The following WIPF3 variants were observed in gnomAD, a reference collection of about 807,000 sequenced individuals.
WIPF3 encodes WAS/WASL interacting protein family member 3.
Under a neutral mutation model 38.9 loss-of-function variants are expected in WIPF3, and 33 were observed. The observed-to-expected ratio is 0.85, with a 90% CI of 0.64 to 1.14. The LOEUF (loss-of-function observed/expected upper bound fraction) is 1.14, where lower values mean the gene tolerates loss of function less well. Ranked by LOEUF, WIPF3 falls within the 50% of genes most tolerant of loss-of-function variation. The probability of loss-of-function intolerance (pLI) is 0.00; values close to 1 mark genes in which losing one functional copy is unlikely to be tolerated. For synonymous variants in WIPF3, 324 were observed against 269.3 expected (o/e 1.20, Z -1.99); for missense variants, 711 against 652.5 (o/e 1.09, Z -0.98).
intron 2 of WIPF3, among the ~76,000 whole-genome samples, chr7:29,866,988 A>ATCTGTAG (rs964831813): frequency 6.6e-6 from 1 of 152,254 alleles, no homozygotes; most frequent in African/African-American, 2.4e-5. Context: ...CTTGTGCCTC[A>ATCTGTAG]TCTGTAGACT....
chr7:29,910,952 C>T (rs1786494447), intron 8 of WIPF3, among the ~76,000 whole-genome samples: 1 of 151,738 alleles, frequency 6.6e-6, no homozygotes, highest in Non-Finnish European at 1.5e-5. Context: ...AAAAGACATC[C>T]AAATTGGAAA....
intron 2 of WIPF3, among the ~76,000 whole-genome samples, chr7:29,869,782 T>C (rs1200289009): frequency 2.0e-5 from 3 of 152,186 alleles, no homozygotes; most frequent in Non-Finnish European, 2.9e-5. Context: ...TGCTAAAAAT[T>C]AGTACTACAA....
intron 7 of WIPF3, 91 bp downstream of exon 7, chr7:29,889,498 G>A (rs1785962670): frequency 1.1e-6 from 1 of 936,508 alleles, no homozygotes; most frequent in Non-Finnish European, 1.7e-6. Flanking sequence ...ACTGTCTAAA[G>A]GATGATGTCA....
intron 1 of WIPF3, among the ~76,000 whole-genome samples, chr7:29,811,437 T>A (rs1278179553): frequency 6.6e-6 from 1 of 152,098 alleles, no homozygotes; most frequent in Non-Finnish European, 1.5e-5. Context: ...TGAGATAAAA[T>A]CAGAGGTAAT....
chr7:29,841,791 C>CA (rs964582082), intron 2 of WIPF3, among the ~76,000 whole-genome samples: 8 of 151,782 alleles, frequency 5.3e-5, no homozygotes, highest in African/African-American at 1.7e-4. Flanking sequence ...CAGCCTGGCT[C>CA]AAAAAAATAG....
intron 8 of WIPF3, among the ~76,000 whole-genome samples, chr7:29,913,717 T>G (rs556202151): frequency 9.2e-5 from 14 of 152,368 alleles, no homozygotes; most frequent in African/African-American, 2.6e-4. Context: ...AACTTGCCCA[T>G]GTCACAATGC....
chr7:29,850,247 T>C (rs1785072242), intron 2 of WIPF3, among the ~76,000 whole-genome samples: 1 of 152,144 alleles, frequency 6.6e-6, no homozygotes, highest in Non-Finnish European at 1.5e-5. Context: ...GATAGGTAGT[T>C]CCTAAAAGGA....
At chr7:29,854,635 A>G (rs1785159549) in intron 2 of WIPF3, among the ~76,000 whole-genome samples, 1 of 151,940 alleles carries the variant, frequency 6.6e-6, no homozygotes, top group Non-Finnish European at 1.5e-5. Flanking sequence ...CACAATTACC[A>G]CGTTTCTTTG....
chr7:29,901,835 A>G (rs1255779310), intron 7 of WIPF3, among the ~76,000 whole-genome samples: 2 of 142,080 alleles, frequency 1.4e-5, no homozygotes, highest in Non-Finnish European at 3.1e-5. Flanking sequence ...CAAAAAAAAA[A>G]AAAAAAAAAA....
intron 8 of WIPF3, among the ~76,000 whole-genome samples, chr7:29,913,830 G>A (rs898842300): frequency 2.0e-5 from 3 of 152,122 alleles, no homozygotes; most frequent in South Asian, 2.1e-4. Context: ...CACTACCAAC[G>A]TGTCACACAC....
At chr7:29,842,436 G>A (rs1052574351) in intron 2 of WIPF3, among the ~76,000 whole-genome samples, 3 of 152,232 alleles carry the variant, frequency 2.0e-5, no homozygotes, top group Non-Finnish European at 4.4e-5. Flanking sequence ...GCTGAAGGGA[G>A]ATTACAGTGA....
At chr7:29,846,161 G>A (rs958497283) in intron 2 of WIPF3, among the ~76,000 whole-genome samples, 3 of 152,178 alleles carry the variant, frequency 2.0e-5, no homozygotes, top group African/African-American at 7.2e-5. Context: ...TATTTTAAAA[G>A]CCATAAAGTA....
chr7:29,896,613 C>CA (rs1041759931), intron 7 of WIPF3, among the ~76,000 whole-genome samples: 150 of 150,556 alleles, frequency 1.0e-3, no homozygotes, highest in East Asian at 9.2e-3. Context: ...AAGACTGTCT[C>CA]AAAAAAAAAA....
rs1249678145 is a variant in WIPF3, at chr7:29,878,381, CAT to C, written c.224-627_224-626del. 5.3e-5 allele frequency among the ~76,000 whole-genome samples: 8 copies of C among 152,160 alleles called. No individual in the cohort carries two copies. Among genetic ancestry groups the C allele is most frequent in the African/African-American group, 1.7e-4 (7 of 41,428 alleles). ...TCGTTTTCTGTAGTTGGTAATCACACATGTCTGGAAGGCTGGAGTTAGTGACA... is the reference window on the plus strand; with the variant it reads ...TCGTTTTCTGTAGTTGGTAATCACACGTCTGGAAGGCTGGAGTTAGTGACA... On this transcript the variant is annotated intron_variant, in intron 3 of 8. Coordinates refer to ENST00000242140, the MANE Select transcript of WIPF3 (RefSeq NM_001080529.3). The surrounding 1 kb of genome is among the most constrained non-coding windows in gnomAD (Gnocchi z 4.0).
chr7:29,835,547 T>G (rs562680776), intron 2 of WIPF3, among the ~76,000 whole-genome samples: 1 of 152,066 alleles, frequency 6.6e-6, no homozygotes, highest in Non-Finnish European at 1.5e-5. Flanking sequence ...ATTGTGGCAG[T>G]AAAAAAATGG....
intron 7 of WIPF3, among the ~76,000 whole-genome samples, chr7:29,892,038 T>C (rs1397788391): frequency 1.3e-5 from 2 of 152,198 alleles, no homozygotes; most frequent in Non-Finnish European, 2.9e-5. Flanking sequence ...TGTGTCCATA[T>C]ATAACACCCC....
chr7:29,837,296 C>T (rs55774564), intron 2 of WIPF3, among the ~76,000 whole-genome samples: 88,675 of 151,952 alleles, frequency 0.58, 26,097 homozygotes, highest in Middle Eastern at 0.65. Flanking sequence ...GCGGAGCTTG[C>T]GGTGAGCCGA....
At chr7:29,825,103 T>C (rs1376044930) in intron 1 of WIPF3, among the ~76,000 whole-genome samples, 4 of 152,142 alleles carry the variant, frequency 2.6e-5, no homozygotes, top group African/African-American at 7.2e-5. Flanking sequence ...AAAACACCAT[T>C]CGTATAAAAT....
intron 7 of WIPF3, among the ~76,000 whole-genome samples, chr7:29,897,789 T>C (rs956199176): frequency 6.6e-6 from 1 of 152,232 alleles, no homozygotes; most frequent in African/African-American, 2.4e-5. Flanking sequence ...AGTAAGAACC[T>C]CTGCCCTGAT....
Sources: gnomAD v4.1 joint callset for allele counts (sites outside exome capture counted in the v4.1 genomes callset) on GRCh38, gnomAD v4.1.1 for gene constraint, Gnocchi (gnomAD v3.1) non-coding constraint, MANE v1.5 for transcripts, NCBI Gene and HGNC (gene_info 2026-07-23, HGNC 2026-07-21) for gene names.